Variants in IRS1 observed in about 807,000 individuals in gnomAD.
IRS1 encodes the protein insulin receptor substrate 1.
In IRS1, 34 loss-of-function variants were observed where a neutral mutation model predicts 65.6. The ratio of observed to expected loss-of-function variants is 0.52; its 90% CI spans 0.39 to 0.69. The LOEUF (loss-of-function observed/expected upper bound fraction) is 0.69. Among genes scored for constraint, IRS1 ranks in the 30% least tolerant of loss-of-function variants. The pLI is 0.00. For synonymous variants in IRS1, 699 were observed against 683.5 expected (o/e 1.02, Z -0.35); for missense variants, 1,641 against 1,720.2 (o/e 0.95, Z 0.81).
intron 1 of IRS1, among the ~76,000 whole-genome samples, chr2:226,790,696 A>G (rs1449473683): frequency 1.3e-5 from 2 of 152,164 alleles, no homozygotes; most frequent in Non-Finnish European, 2.9e-5. Flanking sequence ...TTGGCTGGTG[A>G]GAAATGCTTA....
chr2:226,747,972 T>A (rs560814157), intron 1 of IRS1, among the ~76,000 whole-genome samples: 2 of 152,072 alleles, frequency 1.3e-5, no homozygotes, highest in African/African-American at 4.8e-5. Context: ...CTGCAACAAA[T>A]TAACAGTTTA....
At position 226,778,900 on chromosome 2, in the gene IRS1, T is replaced by G. The variant is rs181136146; in HGVS notation, c.*21+16089A>C. On this transcript the variant is annotated intron_variant, in intron 1 of 1. Transcript: ENST00000305123. ...TCTTACTTCCTTCTCTTTTATAATT[T>G]GCCCTATTACATCACAAAAATGTGC... Among the ~76,000 whole-genome samples, 11 of 152,364 alleles carry G rather than the reference T, an allele frequency of 7.2e-5. No homozygotes were observed. In the East Asian group the frequency reaches 2.1e-3, roughly 29 times the overall value.
rs142316863 is a variant in IRS1 at position 226,766,092 on chromosome 2, A to G, written c.*21+28897T>C. Among the ~76,000 whole-genome samples, 546 of 116,028 alleles carry G rather than the reference A, an allele frequency of 4.7e-3. 6 individuals are homozygous for G. The highest frequency in any genetic ancestry group is 0.017 in the African/African-American group (524 of 30,194). The allele number at this position is 116,028 out of a possible 152,430, so 76.1% of individuals were successfully genotyped here. A position where few individuals can be genotyped will look rare whatever the true frequency, so the allele number is the denominator to read the frequency against. ...TTCTGTAGAAATATTCAAAGGTTTT[A>G]TGAATTTTCCCAAGGCCCTCTCTTA... On this transcript the variant is annotated intron_variant, in intron 1 of 1. Transcript: ENST00000305123.
Position 226,797,673 on chromosome 2 carries a change from C to A in IRS1, c.1066G>T (p.Ala356Ser). The change falls in exon 1 of 2, where the codon GCC becomes TCC. Residue 356 changes from alanine (A) to serine (S), a missense_variant. Physicochemically the swap from Ala to Ser is moderately conservative, Grantham distance 99 (BLOSUM62 1). Coordinates refer to ENST00000305123, the MANE Select transcript of IRS1 (RefSeq NM_005544.3). The surrounding 1 kb of genome is among the most constrained non-coding windows in gnomAD (Gnocchi z 8.1). ...CGGGCGCTGCCCCGATGCCGGTGGG[C>A]GTGGGTTCTGTTGGTGCTGGGACTC... Reference protein sequence around the residue: ...PVSPSTNRTHAHRHRGSARLH... With the variant: ...PVSPSTNRTHSHRHRGSARLH... 6.3e-7 allele frequency: 1 copy of A among 1,596,558 alleles called. No homozygotes were observed. Among genetic ancestry groups the A allele is most frequent in the Non-Finnish European group, 8.5e-7 (1 of 1,178,166 alleles).
chr2:226,776,771 G>A (rs1366144049), intron 1 of IRS1, among the ~76,000 whole-genome samples: 1 of 152,136 alleles, frequency 6.6e-6, no homozygotes, highest in Non-Finnish European at 1.5e-5. Context: ...GCCTGGCATG[G>A]TGGCGCACAC....
chr2:226,797,860 C>T lies in IRS1; in HGVS notation c.879G>A (p.Pro293=). ...PLRRHHLNNP[P]PSQVGLTRRS... ...GGCGGGTCAGCCCCACCTGGCTGGGCGGGGGATTGTTGAGATGGTGCCGGC... is the reference window on the plus strand; with the variant it reads ...GGCGGGTCAGCCCCACCTGGCTGGGTGGGGGATTGTTGAGATGGTGCCGGC... Residue 293 remains proline, a synonymous_variant, in exon 1 of 2, where the codon CCG becomes CCA. Coordinates refer to ENST00000305123, the MANE Select transcript of IRS1 (RefSeq NM_005544.3). The surrounding 1 kb of genome is among the most constrained non-coding windows in gnomAD (Gnocchi z 8.1). 1.2e-6 allele frequency: 2 copies of T among 1,601,364 alleles called. 1 individual carries two copies. Among genetic ancestry groups the T allele is most frequent in the South Asian group, 2.2e-5 (2 of 89,852 alleles).
intron 1 of IRS1, among the ~76,000 whole-genome samples, chr2:226,770,678 C>T (rs1939145639): frequency 1.3e-5 from 2 of 152,150 alleles, no homozygotes. Flanking sequence ...AAGCATTTTA[C>T]ACATGTACAA....
intron 1 of IRS1, among the ~76,000 whole-genome samples, chr2:226,752,033 C>T (rs1397789612): frequency 6.6e-6 from 1 of 152,118 alleles, no homozygotes; most frequent in Non-Finnish European, 1.5e-5. Context: ...TCTATAACAA[C>T]TTCAACTTTG....
chr2:226,787,456 A>T (rs1277286254), intron 1 of IRS1, among the ~76,000 whole-genome samples: 1 of 152,180 alleles, frequency 6.6e-6, no homozygotes, highest in African/African-American at 2.4e-5. Flanking sequence ...TTATGTCATA[A>T]GAAATTTGGT....
Position 226,794,896 on chromosome 2 carries a change from GGA to G in IRS1, c.*21+91_*21+92del, listed in dbSNP as rs1939677170. 9.0e-7 allele frequency: 1 copy of G among 1,108,000 alleles called. No individual in the cohort carries two copies. Among genetic ancestry groups the G allele is most frequent in the African/African-American group, 1.5e-5 (1 of 65,384 alleles). The allele number at this position is 1,108,000 out of a possible 1,614,324, so 68.6% of individuals were successfully genotyped here. ...GTGCATTCTCCCTGAGGAAGCAGTG[GGA>G]AAGAACAGGAAGGGGCAGAGGCGAA... On this transcript the variant is annotated intron_variant, in intron 1 of 1. Transcript: ENST00000305123. This position sits in a 1 kb window ranked among gnomAD's most constrained non-coding sequence, Gnocchi z 4.1.
intron 1 of IRS1, among the ~76,000 whole-genome samples, chr2:226,755,492 AGT>A (rs1938778419): frequency 6.6e-6 from 1 of 152,242 alleles, no homozygotes; most frequent in Admixed American, 6.5e-5. Flanking sequence ...GCTATAATTA[AGT>A]GTGTTAATTA....
intron 1 of IRS1, among the ~76,000 whole-genome samples, chr2:226,792,950 G>C (rs983197943): frequency 6.6e-6 from 1 of 152,158 alleles, no homozygotes; most frequent in East Asian, 1.9e-4. Flanking sequence ...TCTCAAATAC[G>C]CATTGTAGAA....
intron 1 of IRS1, among the ~76,000 whole-genome samples, chr2:226,773,870 G>A (rs1409176616): frequency 6.6e-6 from 1 of 152,158 alleles, no homozygotes; most frequent in South Asian, 2.1e-4. Flanking sequence ...ACCTAGTAAA[G>A]GTTCAAAAGT....
chr2:226,749,936 T>A (rs376878976), intron 1 of IRS1, among the ~76,000 whole-genome samples: 5 of 152,126 alleles, frequency 3.3e-5, no homozygotes, highest in Admixed American at 1.3e-4. Flanking sequence ...CTTGATTGTG[T>A]GGTATTGTTG....
intron 1 of IRS1, among the ~76,000 whole-genome samples, chr2:226,775,384 G>A (rs1250717983): frequency 2.0e-5 from 3 of 152,198 alleles, no homozygotes; most frequent in Non-Finnish European, 4.4e-5. Flanking sequence ...AATGGATCAA[G>A]GATAGTAACA....
In IRS1 at chr2:226,735,214, G is replaced by C. The variant is rs1036529630; in HGVS notation, c.*1058C>G. On this transcript the variant is annotated 3_prime_UTR_variant, in exon 2 of 2. Transcript: ENST00000305123. Reference sequence around the variant, plus strand: ...ACTTACAGAAGTGGTGGGGGGAGGGGACAGAAGAAAAGATCAACAGTATCT... The same window carrying C: ...ACTTACAGAAGTGGTGGGGGGAGGGCACAGAAGAAAAGATCAACAGTATCT... 2 of 152,098 alleles carry C rather than the reference G, an allele frequency of 1.3e-5. No individual in the cohort carries two copies. The highest frequency in any genetic ancestry group is 4.8e-5 in the African/African-American group (2 of 41,426). The allele number at this position is 152,098 out of a possible 1,614,324, so 9.4% of individuals were successfully genotyped here.
At position 226,796,575 on chromosome 2, in the gene IRS1, C is replaced by A; in HGVS notation, c.2164G>T (p.Gly722Cys). The A allele has an allele frequency of 6.2e-7, 1 of 1,614,052 alleles. No individual in the cohort carries two copies. The change falls in exon 1 of 2, where the codon GGT becomes TGT. Residue 722 changes from glycine (G) to cysteine (C), a missense_variant. By Grantham distance (159) the Gly-to-Cys change is radical. This residue lies in a region of IRS1 where 1,324 missense variants were observed against 1,361.0 expected (regional missense o/e 0.97). Transcript: ENST00000305123. Reference protein sequence around the residue: ...PHPKPPVESSGGKLLPCTGDY... With the variant: ...PHPKPPVESSCGKLLPCTGDY... Reference sequence around the variant, plus strand: ...CCTGTGCAAGGTAAGAGCTTACCACCGCTGCTCTCCACTGGGGGTTTGGGG... The same window carrying A: ...CCTGTGCAAGGTAAGAGCTTACCACAGCTGCTCTCCACTGGGGGTTTGGGG...
rs1939845288 is a variant in IRS1 at position 226,799,492 on chromosome 2, C to T, written c.-754G>A. 22 of 1,146,518 alleles carry T rather than the reference C, an allele frequency of 1.9e-5. 1 individual carries two copies. In the South Asian group the frequency reaches 3.7e-4, roughly 19 times the overall value. The allele number at this position is 1,146,518 out of a possible 1,614,324, so 71.0% of individuals were successfully genotyped here. On this transcript the variant is annotated 5_prime_UTR_variant, in exon 1 of 2. Coordinates refer to ENST00000305123, the MANE Select transcript of IRS1 (RefSeq NM_005544.3). The surrounding 1 kb of genome is among the most constrained non-coding windows in gnomAD (Gnocchi z 6.1). ...GCGAAACGATACCGGGCAGCCACTG[C>T]AGCTGGGGACCGGCCGGAGGGACAG...
At chr2:226,774,365 G>A (rs1479517119) in intron 1 of IRS1, among the ~76,000 whole-genome samples, 1 of 152,128 alleles carries the variant, frequency 6.6e-6, no homozygotes, top group Non-Finnish European at 1.5e-5. Flanking sequence ...AACCTATAAA[G>A]TTCTGTCTCT....
Sources: gnomAD v4.1 joint callset for allele counts (sites outside exome capture counted in the v4.1 genomes callset) on GRCh38, gnomAD v4.1.1 for gene constraint, gnomAD v4.1.1 regional missense constraint, Gnocchi (gnomAD v3.1) non-coding constraint, MANE v1.5 for transcripts, NCBI Gene and HGNC (gene_info 2026-07-23, HGNC 2026-07-21) for gene names.